DCBLD2: variants seen among roughly 807,000 people sequenced by gnomAD.
DCBLD2 encodes the protein discoidin, CUB and LCCL domain-containing protein 2.
In DCBLD2, 54 loss-of-function variants were observed where a neutral mutation model predicts 86.8. The ratio of observed to expected loss-of-function variants is 0.62; its 90% CI spans 0.50 to 0.78. The LOEUF is 0.78. DCBLD2 is among the 30% of genes least tolerant of loss of function. The pLI is 0.00. For synonymous variants in DCBLD2, 354 were observed against 341.3 expected, an observed-to-expected ratio of 1.04 and a Z score of -0.41; for missense variants, 908 against 954.2, an observed-to-expected ratio of 0.95 and a Z score of 0.64.
intron 2 of DCBLD2, among the ~76,000 whole-genome samples, chr3:98,879,547 C>G (rs867137805): frequency 1.3e-5 from 2 of 152,040 alleles, no homozygotes; most frequent in Admixed American, 1.3e-4. Flanking sequence ...CCACCACGCC[C>G]GGCTCATTTT....
At chr3:98,834,194 T>C (rs1012555625) in intron 3 of DCBLD2, among the ~76,000 whole-genome samples, 2 of 150,310 alleles carry the variant, frequency 1.3e-5, no homozygotes, top group African/African-American at 4.9e-5. Flanking sequence ...ATAATAGATG[T>C]ACCTATTTTG....
intron 3 of DCBLD2, among the ~76,000 whole-genome samples, chr3:98,847,404 G>A (rs1942746558): frequency 6.6e-6 from 1 of 152,134 alleles, no homozygotes; most frequent in Non-Finnish European, 1.5e-5. Context: ...TTGTTCATTT[G>A]GCATAATGTT....
chr3:98,851,794 G>C (rs1191497444), intron 2 of DCBLD2, among the ~76,000 whole-genome samples: 1 of 152,152 alleles, frequency 6.6e-6, no homozygotes, highest in Non-Finnish European at 1.5e-5. Flanking sequence ...ACAACCATTT[G>C]ATCTTTGACA....
intron 3 of DCBLD2, among the ~76,000 whole-genome samples, chr3:98,836,668 C>A (rs1388647530): frequency 8.4e-6 from 1 of 119,242 alleles, no homozygotes; most frequent in Non-Finnish European, 1.9e-5. Flanking sequence ...CCAGTAGGGG[C>A]GGCCGGGCAG....
intron 13 of DCBLD2, among the ~76,000 whole-genome samples, chr3:98,804,489 A>G (rs180970844): frequency 5.9e-5 from 9 of 152,220 alleles, no homozygotes; most frequent in Admixed American, 2.0e-4. Flanking sequence ...GATCTTTTCA[A>G]AAAACCAGCT....
At chr3:98,842,464 A>C (rs1258189222) in intron 3 of DCBLD2, among the ~76,000 whole-genome samples, 1 of 152,224 alleles carries the variant, frequency 6.6e-6, no homozygotes, top group African/African-American at 2.4e-5. Context: ...ATAGTACAAC[A>C]TAATTTATAG....
chr3:98,859,817 C>G (rs576180351), intron 2 of DCBLD2, among the ~76,000 whole-genome samples: 2 of 152,272 alleles, frequency 1.3e-5, no homozygotes, highest in East Asian at 3.9e-4. Context: ...ATCAGAGCAC[C>G]TCTCCCCCCA....
At chr3:98,854,592 A>G (rs1482188594) in intron 2 of DCBLD2, among the ~76,000 whole-genome samples, 1 of 152,178 alleles carries the variant, frequency 6.6e-6, no homozygotes, top group African/African-American at 2.4e-5. Context: ...CTAGGTTTAA[A>G]AGGGATTTAA....
chr3:98,888,557 C>T (rs567614504), intron 1 of DCBLD2, among the ~76,000 whole-genome samples: 2 of 151,950 alleles, frequency 1.3e-5, no homozygotes, highest in South Asian at 2.1e-4. Flanking sequence ...ACATACCATA[C>T]GAAAACAACT....
chr3:98,882,697 T>C (rs1459246039), intron 1 of DCBLD2, among the ~76,000 whole-genome samples: 4 of 152,180 alleles, frequency 2.6e-5, no homozygotes, highest in South Asian at 2.1e-4. Context: ...TTGTGGTAAT[T>C]TGCTGAGAAT....
chr3:98,871,530 T>C (rs1265281944), intron 2 of DCBLD2, among the ~76,000 whole-genome samples: 1 of 152,188 alleles, frequency 6.6e-6, no homozygotes, highest in Non-Finnish European at 1.5e-5. Flanking sequence ...CTTCATCTAC[T>C]GAAATGATTT....
Position 98,797,104 on chromosome 3 carries a change from G to A in DCBLD2, c.*2268C>T, listed in dbSNP as rs888890840. On this transcript the variant is annotated 3_prime_UTR_variant, in exon 16 of 16. Coordinates refer to ENST00000326840, the MANE Select transcript of DCBLD2 (RefSeq NM_080927.4). The stretch of plus-strand genomic sequence containing the variant: ...CCAATGAACTAAAAAGAAGTATAAA[G>A]CAGAAAAACCATTTGAATCAGGCTC... 2.7e-5 allele frequency: 4 copies of A among 145,708 alleles called. No homozygotes were observed. The highest frequency in any genetic ancestry group is 4.5e-5 in the Non-Finnish European group (3 of 66,134). 9.0% of individuals were successfully genotyped at this position (145,708 alleles called of 1,614,324 possible).
chr3:98,826,566 A>T (rs1216838468), intron 3 of DCBLD2, among the ~76,000 whole-genome samples: 1 of 152,224 alleles, frequency 6.6e-6, no homozygotes, highest in Non-Finnish European at 1.5e-5. Context: ...GTTAATATGT[A>T]AGCCTGACTT....
At chr3:98,892,301 G>A (rs1004958527) in intron 1 of DCBLD2, among the ~76,000 whole-genome samples, 64 of 152,144 alleles carry the variant, frequency 4.2e-4, no homozygotes, top group African/African-American at 1.5e-3. Flanking sequence ...TTAAAATACA[G>A]TGGTCTCTTT....
chr3:98,812,563 T>C, intron 9 of DCBLD2, 81 bp from the exon 10 acceptor site: 2 of 1,322,748 alleles, frequency 1.5e-6, no homozygotes, highest in Non-Finnish European at 2.1e-6. Context: ...ATGTTTTTGT[T>C]CTTTGCTCTA....
At chr3:98,884,341 A>G (rs1437313693) in intron 1 of DCBLD2, among the ~76,000 whole-genome samples, 1 of 151,740 alleles carries the variant, frequency 6.6e-6, no homozygotes, top group Non-Finnish European at 1.5e-5. Flanking sequence ...ATAAACGTGG[A>G]TTTCTGTGCA....
chr3:98,868,182 T>C (rs768827118), intron 2 of DCBLD2, among the ~76,000 whole-genome samples: 55 of 152,188 alleles, frequency 3.6e-4, no homozygotes, highest in Non-Finnish European at 6.5e-4. Flanking sequence ...ATTTACAAAG[T>C]AAGCAGTTTT....
At chr3:98,885,503 T>C (rs1943546077) in intron 1 of DCBLD2, among the ~76,000 whole-genome samples, 1 of 151,974 alleles carries the variant, frequency 6.6e-6, no homozygotes, top group African/African-American at 2.4e-5. Context: ...CTAAAGTATT[T>C]CATGACCCCC....
intron 1 of DCBLD2, among the ~76,000 whole-genome samples, chr3:98,885,846 T>C (rs1943552816): frequency 6.6e-6 from 1 of 151,592 alleles, no homozygotes; most frequent in Non-Finnish European, 1.5e-5. Context: ...CATTTGGCAG[T>C]GTCTTGAGAC....
Sources: allele counts gnomAD v4.1 joint callset (sites outside exome capture counted in the v4.1 genomes callset), GRCh38; gene constraint gnomAD v4.1.1; transcripts MANE v1.5; gene names NCBI Gene and HGNC (gene_info 2026-07-23, HGNC 2026-07-21).